Variants in FGF12 observed in about 807,000 individuals in gnomAD.
The protein encoded by FGF12 is fibroblast growth factor 12B.
In FGF12, 14 loss-of-function variants were observed where a neutral mutation model predicts 23.6. The observed-to-expected ratio is 0.59, with a 90% CI of 0.39 to 0.93. The LOEUF (loss-of-function observed/expected upper bound fraction) is 0.93, where lower values mean the gene tolerates loss of function less well. Among genes scored for constraint, FGF12 ranks in the 40% least tolerant of loss-of-function variants. The probability of loss-of-function intolerance (pLI) is 0.00; values close to 1 mark genes in which losing one functional copy is unlikely to be tolerated. For missense variants in FGF12, 175 were observed against 217.8 expected, an observed-to-expected ratio of 0.80 and a Z score of 1.24; for synonymous variants, 62 against 77.3, an observed-to-expected ratio of 0.80 and a Z score of 1.04.
chr3:192,658,661 C>T (rs1293359045), intron 2 of FGF12, among the ~76,000 whole-genome samples: 1 of 151,682 alleles, frequency 6.6e-6, no homozygotes, highest in Non-Finnish European at 1.5e-5. Context: ...TTTTGCATAA[C>T]TTAGGTTTTC....
chr3:192,650,051 T>C (rs1175694841), intron 2 of FGF12, among the ~76,000 whole-genome samples: 1 of 152,210 alleles, frequency 6.6e-6, no homozygotes. Flanking sequence ...ACAGACTTCA[T>C]GTAGGAAACA....
chr3:192,143,221 T>TAAAAAAAA lies in FGF12; in HGVS notation c.*780_*787dup, dbSNP rs201536757. 5.0e-5 allele frequency: 5 copies of TAAAAAAAA among 99,244 alleles called. No homozygotes were observed. The highest frequency in any genetic ancestry group is 4.3e-5 in the Non-Finnish European group (2 of 46,570). The allele number at this position is 99,244 out of a possible 1,614,324, so 6.1% of individuals were successfully genotyped here. ...AACAGTAATGTTTTTGCTAAATTAC[T>TAAAAAAAA]AAAAAAAAAAAAAAAAGAAAGAAAG... On this transcript the variant is annotated 3_prime_UTR_variant, in exon 6 of 6. Coordinates refer to ENST00000445105, the MANE Select transcript of FGF12 (RefSeq NM_004113.6).
intron 4 of FGF12, among the ~76,000 whole-genome samples, chr3:192,228,264 T>A (rs1052736022): frequency 2.0e-5 from 3 of 152,046 alleles, no homozygotes; most frequent in African/African-American, 7.2e-5. Context: ...ATATAAAAAA[T>A]TATTTGTCAA....
intron 2 of FGF12, among the ~76,000 whole-genome samples, chr3:192,521,669 C>CCA (rs1234877841): frequency 6.6e-6 from 1 of 152,100 alleles, no homozygotes; most frequent in Non-Finnish European, 1.5e-5. Context: ...ACCATAGAAG[C>CCA]CACAGCGATC....
At chr3:192,712,689 A>G (rs1223539974) in intron 2 of FGF12, among the ~76,000 whole-genome samples, 1 of 151,944 alleles carries the variant, frequency 6.6e-6, no homozygotes, top group Non-Finnish European at 1.5e-5. Context: ...AAAAATGAAG[A>G]TATTTTCCGA....
intron 4 of FGF12, among the ~76,000 whole-genome samples, chr3:192,318,454 C>G (rs1427397422): frequency 6.6e-6 from 1 of 152,148 alleles, no homozygotes; most frequent in Non-Finnish European, 1.5e-5. Flanking sequence ...AATGCATTAA[C>G]ATCTCTTAAC....
intron 2 of FGF12, among the ~76,000 whole-genome samples, chr3:192,484,129 A>G (rs1455249665): frequency 6.6e-6 from 1 of 151,956 alleles, no homozygotes; most frequent in Non-Finnish European, 1.5e-5. Context: ...GAAATAGCAA[A>G]CTCTATTTTG....
chr3:192,165,077 C>T (rs1268895547), intron 5 of FGF12, among the ~76,000 whole-genome samples: 2 of 151,996 alleles, frequency 1.3e-5, no homozygotes, highest in African/African-American at 2.4e-5. Context: ...CCTCAGCCTC[C>T]CAAGTAGCGG....
chr3:192,354,360 T>C (rs1316874486), intron 3 of FGF12, among the ~76,000 whole-genome samples: 1 of 152,048 alleles, frequency 6.6e-6, no homozygotes, highest in Non-Finnish European at 1.5e-5. Flanking sequence ...ATAGGAGACT[T>C]TTTAAATAAT....
At chr3:192,630,771 G>A (rs185753953) in intron 2 of FGF12, among the ~76,000 whole-genome samples, 2,393 of 151,046 alleles carry the variant, frequency 0.016, 41 homozygotes, top group Middle Eastern at 0.048. Context: ...TGTTAGCCAG[G>A]ATGGCCTCAA....
intron 2 of FGF12, among the ~76,000 whole-genome samples, chr3:192,571,862 G>C (rs1268377119): frequency 6.6e-6 from 1 of 151,890 alleles, no homozygotes; most frequent in African/African-American, 2.4e-5. Context: ...GCCTCCTAGA[G>C]GTCTTCCCAG....
rs562931727 is a variant in FGF12, at chr3:192,174,095, T to C, written c.229-3439A>G. On this transcript the variant is annotated intron_variant, in intron 4 of 5. Coordinates refer to ENST00000445105, the MANE Select transcript of FGF12 (RefSeq NM_004113.6). ...GCAATCCTGCTTTTGATGCCAAGCT[T>C]GATTTGGGCAAGCCTTACTCATATT... 7.4e-4 allele frequency among the ~76,000 whole-genome samples: 113 copies of C among 152,350 alleles called. 1 individual carries two copies. The highest frequency in any genetic ancestry group is 1.5e-3 in the East Asian group (8 of 5,188).
intron 2 of FGF12, among the ~76,000 whole-genome samples, chr3:192,593,307 T>G (rs1460071728): frequency 6.6e-6 from 1 of 151,808 alleles, no homozygotes; most frequent in Non-Finnish European, 1.5e-5. Context: ...TCAACTGCCA[T>G]GCACCTGCGT....
rs143108453 is a variant in FGF12 at position 192,508,429 on chromosome 3, T to C, written c.14-147891A>G. Among the ~76,000 whole-genome samples the C allele has an allele frequency of 4.0e-3, 613 of 152,336 alleles. 3 individuals carry two copies. The highest frequency in any genetic ancestry group is 0.014 in the African/African-American group (578 of 41,584). Reference sequence around the variant, plus strand: ...ACAAAGAACAATAATTCCATTGTTTTAAGATACTCCATAGAAACTGAGATA... The same window carrying C: ...ACAAAGAACAATAATTCCATTGTTTCAAGATACTCCATAGAAACTGAGATA... On this transcript the variant is annotated intron_variant, in intron 2 of 5. Transcript: ENST00000445105.
chr3:192,439,114 A>G (rs867240175), intron 2 of FGF12, among the ~76,000 whole-genome samples: 2 of 152,210 alleles, frequency 1.3e-5, no homozygotes, highest in African/African-American at 4.8e-5. Flanking sequence ...ACAAAAGGCA[A>G]TCAGATTCAG....
chr3:192,601,165 A>T (rs1714100056), intron 2 of FGF12, among the ~76,000 whole-genome samples: 1 of 152,176 alleles, frequency 6.6e-6, no homozygotes, highest in African/African-American at 2.4e-5. Context: ...ATGGAAGTGG[A>T]GGGCATTACA....
intron 2 of FGF12, among the ~76,000 whole-genome samples, chr3:192,379,603 G>A (rs772174416): frequency 1.1e-4 from 16 of 152,294 alleles, no homozygotes; most frequent in Admixed American, 2.6e-4. Flanking sequence ...GAATGACATC[G>A]AAATTTCACA....
chr3:192,469,107 G>T (rs183506483), intron 2 of FGF12, among the ~76,000 whole-genome samples: 3 of 152,196 alleles, frequency 2.0e-5, no homozygotes, highest in Admixed American at 2.0e-4. Flanking sequence ...ACCTGTTTAA[G>T]CACGTCCTCA....
intron 5 of FGF12, among the ~76,000 whole-genome samples, chr3:192,158,421 CTTTT>C (rs749398118): frequency 0.23 from 2,525 of 10,960 alleles, 151 homozygotes; most frequent in Middle Eastern, 0.5. Flanking sequence ...CTTTCTCTTT[CTTTT>C]TCTTTTTTCT....
Sources: allele counts gnomAD v4.1 joint callset (sites outside exome capture counted in the v4.1 genomes callset), GRCh38; gene constraint gnomAD v4.1.1; transcripts MANE v1.5; gene names NCBI Gene and HGNC (gene_info 2026-07-23, HGNC 2026-07-21).